The following ARSB variants were observed in gnomAD, a reference collection of about 807,000 sequenced individuals.
The protein encoded by ARSB is arylsulfatase B, also known as N-acetylgalactosamine-4-sulfatase.
ARSB carries 41 observed loss-of-function variants against 50.9 expected under a neutral mutation model. That is an observed-to-expected ratio of 0.81 (90% CI 0.63 to 1.04). ARSB has a LOEUF of 1.04. Among genes scored for constraint, ARSB ranks in the 50% least tolerant of loss-of-function variants. The pLI is 0.00. For missense variants in ARSB, 672 were observed against 693.3 expected (o/e 0.97, Z 0.35); for synonymous variants, 269 against 284.8 (o/e 0.94, Z 0.56).
At chr5:78,943,182 G>A (rs1289073278) in intron 4 of ARSB, among the ~76,000 whole-genome samples, 14 of 152,156 alleles carry the variant, frequency 9.2e-5, no homozygotes, top group Middle Eastern at 3.4e-3. Flanking sequence ...GTCTTTGCAC[G>A]TGAGATGCAT....
intron 6 of ARSB, among the ~76,000 whole-genome samples, chr5:78,829,318 A>G (rs1216393042): frequency 6.6e-6 from 1 of 152,248 alleles, no homozygotes; most frequent in Non-Finnish European, 1.5e-5. Flanking sequence ...CTTTTCCTTC[A>G]TTCACATTAA....
chr5:78,923,922 G>A (rs907921609), intron 4 of ARSB, among the ~76,000 whole-genome samples: 6 of 152,162 alleles, frequency 3.9e-5, no homozygotes, highest in Non-Finnish European at 7.3e-5. Flanking sequence ...TCCTGAAAGC[G>A]AGGTTCCAAG....
At chr5:78,921,563 T>G (rs988802845) in intron 4 of ARSB, among the ~76,000 whole-genome samples, 1 of 152,274 alleles carries the variant, frequency 6.6e-6, no homozygotes, top group South Asian at 2.1e-4. Context: ...AGTTTTTTAA[T>G]GTGGCTATTT....
At chr5:78,930,405 G>T (rs1288904886) in intron 4 of ARSB, among the ~76,000 whole-genome samples, 1 of 151,436 alleles carries the variant, frequency 6.6e-6, no homozygotes, top group Admixed American at 6.6e-5. Context: ...AGAAGATATT[G>T]ACAAGAAAGT....
At chr5:78,811,886 T>C (rs960572918) in intron 6 of ARSB, among the ~76,000 whole-genome samples, 3 of 152,172 alleles carry the variant, frequency 2.0e-5, no homozygotes, top group Non-Finnish European at 4.4e-5. Context: ...ACACTAATTA[T>C]AAAGGCAGAT....
At position 78,820,187 on chromosome 5, in the gene ARSB, C is replaced by T. The variant is rs533428826; in HGVS notation, c.1213+19169G>A. Among the ~76,000 whole-genome samples the T allele has an allele frequency of 9.2e-5, 14 of 152,200 alleles. No individual in the cohort carries two copies. In the South Asian group the frequency reaches 2.3e-3, roughly 25 times the overall value. Reference sequence around the variant, plus strand: ...AGCCCTCACCAGACACCAAATCTGCCGGCACCTCAGTCTTAGACTTCCCAG... The same window carrying T: ...AGCCCTCACCAGACACCAAATCTGCTGGCACCTCAGTCTTAGACTTCCCAG... On this transcript the variant is annotated intron_variant, in intron 6 of 7. Coordinates refer to ENST00000264914, the MANE Select transcript of ARSB (RefSeq NM_000046.5).
chr5:78,875,027 T>C (rs1471861870), intron 5 of ARSB, among the ~76,000 whole-genome samples: 1 of 152,158 alleles, frequency 6.6e-6, no homozygotes, highest in Non-Finnish European at 1.5e-5. Context: ...GTGGAAGGAT[T>C]GCTTGAGCCC....
chr5:78,816,176 C>G (rs1243837704), intron 6 of ARSB: 6 of 1,613,646 alleles, frequency 3.7e-6, no homozygotes, highest in Non-Finnish European at 5.1e-6. Flanking sequence ...ACGGTTGTAT[C>G]AGGACTGCAT....
chr5:78,945,405 C>T (rs142913300), intron 4 of ARSB, among the ~76,000 whole-genome samples: 14 of 152,258 alleles, frequency 9.2e-5, no homozygotes, highest in African/African-American at 1.4e-4. Context: ...TGTTCCTATT[C>T]GGCCATCTTG....
At chr5:78,816,415 GC>G (rs1045506093) in intron 6 of ARSB, among the ~76,000 whole-genome samples, 2 of 152,092 alleles carry the variant, frequency 1.3e-5, no homozygotes, top group African/African-American at 4.8e-5. Flanking sequence ...TCACTCCCCA[GC>G]CCCACCCTCA....
intron 6 of ARSB, among the ~76,000 whole-genome samples, chr5:78,805,833 G>A (rs952340490): frequency 5.3e-5 from 8 of 152,280 alleles, no homozygotes; most frequent in Non-Finnish European, 1.2e-4. Flanking sequence ...AACTGGTCGC[G>A]GTGCCGAACC....
chr5:78,794,979 C>CA (rs1743127404), intron 6 of ARSB, among the ~76,000 whole-genome samples: 1 of 152,142 alleles, frequency 6.6e-6, no homozygotes, highest in Admixed American at 6.5e-5. Context: ...TAACCATGGG[C>CA]ATTTTACTTA....
At position 78,816,762 on chromosome 5, in the gene ARSB, A is replaced by C. The variant is rs1744007086; in HGVS notation, c.1213+22594T>G. Among the ~76,000 whole-genome samples, 3 of 152,226 alleles carry C rather than the reference A, an allele frequency of 2.0e-5. No homozygotes were observed. In the South Asian group the frequency reaches 6.2e-4, roughly 31 times the overall value. ...ACTTTACCATGAAAGGGTCAATGGGACAAGAACTTGAGAAGCTGAGGGTAG... is the reference window on the plus strand; with the variant it reads ...ACTTTACCATGAAAGGGTCAATGGGCCAAGAACTTGAGAAGCTGAGGGTAG... On this transcript the variant is annotated intron_variant, in intron 6 of 7. Transcript: ENST00000264914.
chr5:78,907,843 A>G (rs337852), intron 4 of ARSB, among the ~76,000 whole-genome samples: 101,791 of 151,972 alleles, frequency 0.67, 34,508 homozygotes, highest in South Asian at 0.79. Context: ...GCTTTAAATT[A>G]CAGCAGAGAA....
intron 6 of ARSB, among the ~76,000 whole-genome samples, chr5:78,816,663 A>T (rs1206255319): frequency 6.6e-6 from 1 of 152,238 alleles, no homozygotes; most frequent in Non-Finnish European, 1.5e-5. Context: ...TTGTTACAGA[A>T]GCGAGATTCT....
At chr5:78,881,772 C>A (rs1747757319) in intron 5 of ARSB, among the ~76,000 whole-genome samples, 1 of 152,204 alleles carries the variant, frequency 6.6e-6, no homozygotes, top group South Asian at 2.1e-4. Flanking sequence ...TTATCAAATG[C>A]TTTTAAAATC....
intron 4 of ARSB, among the ~76,000 whole-genome samples, chr5:78,952,682 G>A (rs1292026509): frequency 2.0e-5 from 3 of 152,178 alleles, no homozygotes; most frequent in Admixed American, 2.0e-4. Context: ...GCCACTTAGA[G>A]ATATTTAATA....
rs573669320 is a variant in ARSB at position 78,867,606 on chromosome 5, TC to T, written c.1142+17977del. 1.6e-4 allele frequency among the ~76,000 whole-genome samples: 24 copies of T among 151,822 alleles called. 1 individual carries two copies. The highest frequency in any genetic ancestry group is 5.8e-4 in the African/African-American group (24 of 41,402). ...ATTCCAACAGACCTGCAGCTGAGGG[TC>T]CTGTCTGTTAGAAGGAAAACTCACA... is the stretch of plus-strand genomic sequence containing the variant. On this transcript the variant is annotated intron_variant, in intron 5 of 7. Transcript: ENST00000264914.
chr5:78,811,536 T>C (rs1201986705), intron 6 of ARSB, among the ~76,000 whole-genome samples: 1 of 152,006 alleles, frequency 6.6e-6, no homozygotes, highest in Non-Finnish European at 1.5e-5. Flanking sequence ...AAGAATACAA[T>C]TTTTTTTAAA....
Sources: allele counts gnomAD v4.1 joint callset (sites outside exome capture counted in the v4.1 genomes callset), GRCh38; gene constraint gnomAD v4.1.1; transcripts MANE v1.5; gene names NCBI Gene and HGNC (gene_info 2026-07-23, HGNC 2026-07-21).